CA10: variants seen among roughly 807,000 people sequenced by gnomAD.
CA10 encodes the protein carbonic anhydrase-related protein 10.
CA10 carries 14 observed loss-of-function variants against 44.2 expected under a neutral mutation model. The ratio of observed to expected loss-of-function variants is 0.32; its 90% CI spans 0.21 to 0.50. CA10 has a LOEUF of 0.50. Among genes scored for constraint, CA10 ranks in the 20% least tolerant of loss-of-function variants. The probability of loss-of-function intolerance (pLI) is 0.99; values close to 1 mark genes in which losing one functional copy is unlikely to be tolerated. For missense variants in CA10, 350 were observed against 409.7 expected (o/e 0.85, Z 1.26); for synonymous variants, 159 against 141.6 (o/e 1.12, Z -0.87).
intron 2 of CA10, among the ~76,000 whole-genome samples, chr17:51,970,877 G>A (rs143247834): frequency 4.0e-4 from 61 of 152,108 alleles, no homozygotes; most frequent in African/African-American, 1.4e-3. Context: ...ATAATAAGTG[G>A]TTTTGAGACT....
intron 3 of CA10, among the ~76,000 whole-genome samples, chr17:51,819,633 A>G (rs1907688889): frequency 6.6e-6 from 1 of 152,224 alleles, no homozygotes; most frequent in Non-Finnish European, 1.5e-5. Context: ...GCAGATTTGC[A>G]GCCTAAAAAT....
At chr17:51,923,739 A>T (rs1982319552) in intron 3 of CA10, among the ~76,000 whole-genome samples, 2 of 152,224 alleles carry the variant, frequency 1.3e-5, no homozygotes, top group Admixed American at 6.5e-5. Context: ...TTTAATAGTC[A>T]TAAAAAACAT....
At chr17:51,632,270 C>T (rs911053337) in intron 8 of CA10, among the ~76,000 whole-genome samples, 1 of 152,186 alleles carries the variant, frequency 6.6e-6, no homozygotes, top group African/African-American at 2.4e-5. Context: ...ATCTGTCACC[C>T]ATCACCCAGC....
intron 4 of CA10, among the ~76,000 whole-genome samples, chr17:51,739,362 G>T (rs1004586341): frequency 1.3e-5 from 2 of 152,030 alleles, no homozygotes; most frequent in Non-Finnish European, 2.9e-5. Context: ...TGGTCTCCAT[G>T]GTGACAGGTC....
At chr17:52,075,506 C>T (rs1393173174) in intron 1 of CA10, among the ~76,000 whole-genome samples, 1 of 152,138 alleles carries the variant, frequency 6.6e-6, no homozygotes, top group Non-Finnish European at 1.5e-5. Context: ...TGTGTATATG[C>T]AAAATGGAGT....
chr17:51,722,405 C>T (rs1346854701), intron 4 of CA10, among the ~76,000 whole-genome samples: 1 of 152,170 alleles, frequency 6.6e-6, no homozygotes, highest in African/African-American at 2.4e-5. Context: ...ACATTTTACC[C>T]TTAAGAAGCA....
chr17:51,957,719 T>C (rs905962695), intron 2 of CA10, among the ~76,000 whole-genome samples: 3 of 151,720 alleles, frequency 2.0e-5, no homozygotes, highest in African/African-American at 7.3e-5. Context: ...CAAAATGGAG[T>C]GTGCCACACA....
At chr17:51,979,561 A>G (rs932357919) in intron 2 of CA10, among the ~76,000 whole-genome samples, 16 of 152,078 alleles carry the variant, frequency 1.1e-4, no homozygotes, top group African/African-American at 3.9e-4. Flanking sequence ...GCTCCCATTT[A>G]TAAGTTAGAA....
At chr17:51,978,581 G>A (rs1197476641) in intron 2 of CA10, among the ~76,000 whole-genome samples, 1 of 151,716 alleles carries the variant, frequency 6.6e-6, no homozygotes, top group Admixed American at 6.6e-5. Context: ...ACTATAAAAA[G>A]TATACAAAAA....
At chr17:51,785,551 C>A (rs1356239374) in intron 3 of CA10, among the ~76,000 whole-genome samples, 3 of 152,078 alleles carry the variant, frequency 2.0e-5, no homozygotes, top group Admixed American at 1.3e-4. Flanking sequence ...GAAAAGGGAA[C>A]CCTGGTACAC....
intron 2 of CA10, among the ~76,000 whole-genome samples, chr17:51,983,663 G>A (rs775500952): frequency 2.0e-5 from 3 of 151,490 alleles, no homozygotes; most frequent in African/African-American, 7.3e-5. Context: ...AACAAAATAA[G>A]ACACCATGTC....
At chr17:51,814,725 G>C (rs1463771888) in intron 3 of CA10, among the ~76,000 whole-genome samples, 1 of 152,124 alleles carries the variant, frequency 6.6e-6, no homozygotes. Flanking sequence ...CTGTTTCTGA[G>C]TCAATGTGAA....
Position 51,954,581 on chromosome 17 carries a change from C to A in CA10, c.137-23449G>T, listed in dbSNP as rs189528111. ...TACGTCCTAGAGCTAGTAAAAAAAACCAGATATCCTCACTCCCAAACCAGT... is the reference window on the plus strand; with the variant it reads ...TACGTCCTAGAGCTAGTAAAAAAAAACAGATATCCTCACTCCCAAACCAGT... On this transcript the variant is annotated intron_variant, in intron 2 of 8. Transcript: ENST00000451037. Among the ~76,000 whole-genome samples, 212 of 152,218 alleles carry A rather than the reference C, an allele frequency of 1.4e-3. 5 individuals carry two copies. The South Asian group carries it at 0.023, about 17-fold the overall frequency.
At chr17:51,739,314 G>A (rs929873790) in intron 4 of CA10, among the ~76,000 whole-genome samples, 10 of 152,052 alleles carry the variant, frequency 6.6e-5, no homozygotes, top group Non-Finnish European at 1.5e-4. Context: ...CTAAATAAAC[G>A]AAGGCCTCAT....
At position 52,158,066 on chromosome 17, in the gene CA10, C is replaced by A. The variant is rs1989847733; in HGVS notation, c.-280G>T. 3 of 537,986 alleles carry A rather than the reference C, an allele frequency of 5.6e-6. No homozygotes were observed. 33.3% of individuals were successfully genotyped at this position (537,986 alleles called of 1,614,324 possible). Reference sequence around the variant, plus strand: ...TGGAGGTCTCCCCGCTCGCGTGTCTCTTCTCTTCGCACCAGCGGCGGAAAC... The same window carrying A: ...TGGAGGTCTCCCCGCTCGCGTGTCTATTCTCTTCGCACCAGCGGCGGAAAC... On this transcript the variant is annotated 5_prime_UTR_variant, in exon 1 of 9. An upstream open reading frame in the 5' UTR gains an earlier in-frame stop. Transcript: ENST00000451037.
At chr17:51,983,937 C>T (rs1984739687) in intron 2 of CA10, among the ~76,000 whole-genome samples, 1 of 151,716 alleles carries the variant, frequency 6.6e-6, no homozygotes, top group Admixed American at 6.6e-5. Flanking sequence ...AGCACCTCAC[C>T]TTGATTTCTG....
chr17:51,808,046 T>C (rs912873875), intron 3 of CA10, among the ~76,000 whole-genome samples: 1 of 152,224 alleles, frequency 6.6e-6, no homozygotes, highest in African/African-American at 2.4e-5. Flanking sequence ...CACTGTCATA[T>C]CCCATTGTTC....
At chr17:52,132,811 A>G (rs1350577223) in intron 1 of CA10, among the ~76,000 whole-genome samples, 1 of 152,178 alleles carries the variant, frequency 6.6e-6, no homozygotes, top group African/African-American at 2.4e-5. Flanking sequence ...GAGGGCCCTC[A>G]TCAGGACTGG....
At chr17:51,913,640 A>AGTAGAATGCTGTT (rs112111751) in intron 3 of CA10, among the ~76,000 whole-genome samples, 112,621 of 151,752 alleles carry the variant, frequency 0.74, 42,493 homozygotes, top group African/African-American at 0.87. Context: ...GCAAGAGTGG[A>AGTAGAATGCTGTT]GTGTTAGAGA....
Sources: allele counts gnomAD v4.1 joint callset (sites outside exome capture counted in the v4.1 genomes callset), GRCh38; gene constraint gnomAD v4.1.1; transcripts MANE v1.5; gene names NCBI Gene and HGNC (gene_info 2026-07-23, HGNC 2026-07-21).